The following PTPRZ1 variants were observed in gnomAD, a reference collection of about 807,000 sequenced individuals.
PTPRZ1 encodes the protein protein tyrosine phosphatase receptor type Z1, also known as receptor-type tyrosine-protein phosphatase zeta.
A neutral mutation model predicts 214.1 loss-of-function variants in PTPRZ1; 82 were observed. The observed-to-expected ratio is 0.38, with a 90% CI of 0.32 to 0.46. The LOEUF is 0.46. PTPRZ1 is among the 20% of genes least tolerant of loss of function. The pLI is 1.00. For synonymous variants in PTPRZ1, 945 were observed against 987.9 expected, an observed-to-expected ratio of 0.96 and a Z score of 0.81; for missense variants, 2,603 against 2,748.7, an observed-to-expected ratio of 0.95 and a Z score of 1.19.
At chr7:121,970,777 C>A (rs1797218031) in intron 3 of PTPRZ1, among the ~76,000 whole-genome samples, 1 of 152,056 alleles carries the variant, frequency 6.6e-6, no homozygotes, top group Admixed American at 6.6e-5. Context: ...ATGGTAGTTT[C>A]TTTTGCTGTG....
chr7:122,031,358 G>A (rs1799364132), intron 14 of PTPRZ1, 116 bp from the exon 15 acceptor site: 3 of 708,544 alleles, frequency 4.2e-6, no homozygotes, highest in African/African-American at 3.7e-5. Flanking sequence ...TGAATGCTGA[G>A]ATTTAGTTAG....
chr7:121,893,232 A>G (rs1229828480), intron 1 of PTPRZ1, among the ~76,000 whole-genome samples: 1 of 152,198 alleles, frequency 6.6e-6, no homozygotes, highest in Non-Finnish European at 1.5e-5. Context: ...GTTAGAATAT[A>G]GTTTGATTGC....
At chr7:122,009,574 A>G (rs1242912442) in intron 11 of PTPRZ1, among the ~76,000 whole-genome samples, 1 of 151,768 alleles carries the variant, frequency 6.6e-6, no homozygotes, top group Non-Finnish European at 1.5e-5. Context: ...CATATATTGA[A>G]TCTTCCATGC....
chr7:122,029,876 TTTTA>T (rs1256243108), intron 14 of PTPRZ1, among the ~76,000 whole-genome samples: 3 of 151,830 alleles, frequency 2.0e-5, no homozygotes, highest in African/African-American at 7.2e-5. Context: ...AGCACCACTG[TTTTA>T]TTTGTTTTTC....
chr7:121,939,959 A>G (rs779028780), intron 2 of PTPRZ1, among the ~76,000 whole-genome samples: 1 of 152,194 alleles, frequency 6.6e-6, no homozygotes, highest in Non-Finnish European at 1.5e-5. Context: ...TTAAATCAAC[A>G]TGGGTGAAAA....
chr7:121,943,568 G>C (rs992558006), intron 2 of PTPRZ1, among the ~76,000 whole-genome samples: 7 of 152,044 alleles, frequency 4.6e-5, no homozygotes, highest in Non-Finnish European at 8.8e-5. Flanking sequence ...TCGATCTCCT[G>C]ACCTCGTGAT....
At chr7:121,962,957 GAAGA>G (rs1201208658) in intron 2 of PTPRZ1, among the ~76,000 whole-genome samples, 8 of 152,098 alleles carry the variant, frequency 5.3e-5, no homozygotes, top group African/African-American at 1.9e-4. Flanking sequence ...TGCTTTGCAT[GAAGA>G]ATCTCAAGTT....
intron 26 of PTPRZ1, among the ~76,000 whole-genome samples, chr7:122,054,591 T>C (rs998282369): frequency 2.0e-5 from 3 of 152,222 alleles, no homozygotes; most frequent in African/African-American, 7.2e-5. Flanking sequence ...TCAGTTCTTA[T>C]CTATAAAGTT....
At chr7:121,989,421 C>T (rs1477995265) in intron 8 of PTPRZ1, among the ~76,000 whole-genome samples, 3 of 143,356 alleles carry the variant, frequency 2.1e-5, no homozygotes, top group Non-Finnish European at 3.0e-5. Flanking sequence ...GTTGCCCAGG[C>T]TGGAGTGCAA....
At chr7:121,883,348 A>G (rs182351996) in intron 1 of PTPRZ1, among the ~76,000 whole-genome samples, 44 of 152,322 alleles carry the variant, frequency 2.9e-4, no homozygotes, top group Non-Finnish European at 4.9e-4. Context: ...TCAAATGCCA[A>G]TATGAAAACT....
intron 1 of PTPRZ1, among the ~76,000 whole-genome samples, chr7:121,916,290 AG>A: frequency 6.6e-6 from 1 of 151,272 alleles, no homozygotes; most frequent in South Asian, 2.1e-4. Flanking sequence ...AAAAAAAAAA[AG>A]TTCATTTTTA....
At position 122,013,436 on chromosome 7, in the gene PTPRZ1, A is replaced by T; in HGVS notation, c.4390A>T (p.Asn1464Tyr). ...AATGAATGATTCAGACACCCACGAA[A>T]ACAGTCTTATGGATCAGAATAATCC... ...KVMNDSDTHE[N>Y]SLMDQNNPIS... The change falls in exon 12 of 30, where the codon AAC becomes TAC. Residue 1464 changes from asparagine (N) to tyrosine (Y), a missense_variant. Around this residue, in one of 6 missense-constraint regions of PTPRZ1, gnomAD observed 1,913 missense variants for 1,914.3 expected, o/e 1.00. Transcript: ENST00000393386. 6.2e-7 allele frequency: 1 copy of T among 1,614,188 alleles called. No individual in the cohort carries two copies. Among genetic ancestry groups the T allele is most frequent in the Non-Finnish European group, 8.5e-7 (1 of 1,180,034 alleles).
chr7:122,048,698 A>T (rs1792077433), intron 23 of PTPRZ1, among the ~76,000 whole-genome samples: 1 of 152,178 alleles, frequency 6.6e-6, no homozygotes, highest in Non-Finnish European at 1.5e-5. Context: ...AAAAATATAT[A>T]GAAAATTTAA....
In PTPRZ1 at chr7:122,013,502, A is replaced by G. The variant is rs777181999; in HGVS notation, c.4456A>G (p.Arg1486Gly). Residue 1486 changes from arginine to glycine, a missense_variant, in exon 12 of 30, where the codon AGA becomes GGA. Physicochemically the swap from Arg to Gly is moderately radical, Grantham distance 125. This residue lies in a region of PTPRZ1 where 1,913 missense variants were observed against 1,914.3 expected (regional missense o/e 1.00). Transcript: ENST00000393386. ...ATCTGAGAATTCTGAAGAAGATAAT[A>G]GAGTCACAAGTGTATCCTCAGACAG... is the stretch of plus-strand genomic sequence containing the variant. ...SLSENSEEDN[R>G]VTSVSSDSQT... is the part of the protein sequence containing the mutation. The G allele has an allele frequency of 1.6e-5, 26 of 1,614,168 alleles. No homozygotes were observed. In the South Asian group the frequency reaches 2.7e-4, roughly 17 times the overall value.
chr7:121,915,277 G>C (rs940868463), intron 1 of PTPRZ1, among the ~76,000 whole-genome samples: 2 of 152,156 alleles, frequency 1.3e-5, no homozygotes, highest in African/African-American at 4.8e-5. Flanking sequence ...TGAGTGCATA[G>C]CCTCAAGGGG....
At chr7:122,037,616 C>T (rs1369810462) in intron 18 of PTPRZ1, among the ~76,000 whole-genome samples, 1 of 152,148 alleles carries the variant, frequency 6.6e-6, no homozygotes, top group Non-Finnish European at 1.5e-5. Context: ...GTGTGGAATA[C>T]TGAATTCAAA....
Position 122,059,949 on chromosome 7 carries a change from G to A in PTPRZ1, c.6807+61G>A, listed in dbSNP as rs541248029. ...ATAGAGTACAACTAACTTCCTAGAG[G>A]CTGCTGAAATCTTATGTATCAAGAA... On this transcript the variant is annotated intron_variant, in intron 29 of 29. Transcript: ENST00000393386. The A allele has an allele frequency of 4.0e-6, 6 of 1,506,272 alleles. No homozygotes were observed. The East Asian group carries it at 1.2e-4, about 29-fold the overall frequency. 93.3% of individuals were successfully genotyped at this position (1,506,272 alleles called of 1,614,324 possible).
At chr7:121,953,851 T>A (rs1466282453) in intron 2 of PTPRZ1, among the ~76,000 whole-genome samples, 4 of 152,108 alleles carry the variant, frequency 2.6e-5, no homozygotes, top group African/African-American at 9.7e-5. Flanking sequence ...CTGAACCTAA[T>A]GCATCATTGT....
intron 1 of PTPRZ1, among the ~76,000 whole-genome samples, chr7:121,915,745 T>C (rs1006298022): frequency 3.9e-5 from 6 of 152,194 alleles, no homozygotes; most frequent in Non-Finnish European, 7.3e-5. Context: ...ATGAAATTAA[T>C]GGCAGAAGTA....
Sources: gnomAD v4.1 joint callset for allele counts (sites outside exome capture counted in the v4.1 genomes callset) on GRCh38, gnomAD v4.1.1 for gene constraint, gnomAD v4.1.1 regional missense constraint, MANE v1.5 for transcripts, NCBI Gene and HGNC (gene_info 2026-07-23, HGNC 2026-07-21) for gene names.